MDN1: variants seen among roughly 807,000 people sequenced by gnomAD.
MDN1 encodes midasin AAA ATPase 1.
In MDN1, 266 loss-of-function variants were observed where a neutral mutation model predicts 669.2. The ratio of observed to expected loss-of-function variants is 0.40; its 90% CI spans 0.36 to 0.44. The LOEUF (loss-of-function observed/expected upper bound fraction) is 0.44. MDN1 is among the 20% of genes least tolerant of loss of function. MDN1 has a pLI of 1.00. For missense variants in MDN1, 5,940 were observed against 6,754.0 expected (o/e 0.88, Z 4.22); for synonymous variants, 2,385 against 2,457.1 (o/e 0.97, Z 0.87).
chr6:89,796,344 A>AC (rs1437720100), intron 2 of MDN1, among the ~76,000 whole-genome samples: 14 of 132,416 alleles, frequency 1.1e-4, no homozygotes, highest in African/African-American at 3.7e-4. Context: ...AAAAAAAAAA[A>AC]AAAAAACAAA....
intron 26 of MDN1, 130 bp from the exon 27 acceptor site, chr6:89,747,600 T>C (rs1816703367): frequency 8.6e-7 from 1 of 1,156,598 alleles, no homozygotes; most frequent in South Asian, 1.6e-5. Flanking sequence ...CTGAATAAGA[T>C]TAATTTTTTG....
intron 59 of MDN1, among the ~76,000 whole-genome samples, chr6:89,697,126 AG>A: frequency 6.6e-6 from 1 of 152,344 alleles, no homozygotes; most frequent in Middle Eastern, 3.4e-3. Context: ...ATAGTGCAAA[AG>A]AATGGAATAG....
chr6:89,683,943 G>A (rs1406786798), intron 71 of MDN1, 39 bp from the exon 72 acceptor site: 16 of 1,440,754 alleles, frequency 1.1e-5, no homozygotes, highest in Admixed American at 1.7e-5. Context: ...GCTTTATAAA[G>A]CTAGTGTCAT....
chr6:89,736,635 A>C (rs1239139287), intron 33 of MDN1, among the ~76,000 whole-genome samples: 1 of 151,960 alleles, frequency 6.6e-6, no homozygotes, highest in South Asian at 2.1e-4. Context: ...TCAAAAAAAA[A>C]ACACAAAAAT....
rs1212937585 is a variant in MDN1, at chr6:89,683,143, C to T, written c.12091G>A (p.Ala4031Thr). Reference protein sequence around the residue: ...ALRETLLAQPAAGQATIPEWC... With the variant: ...ALRETLLAQPTAGQATIPEWC... Reference sequence around the variant, plus strand: ...CCACAACCAAGTACCTGCCCAGCTGCTGGTTGGGCTAACAGGGTCTCCCTC... The same window carrying T: ...CCACAACCAAGTACCTGCCCAGCTGTTGGTTGGGCTAACAGGGTCTCCCTC... The change falls in exon 73 of 102, where the codon GCA becomes ACA. Residue 4031 changes from alanine to threonine, a missense_variant. Physicochemically the swap from Ala to Thr is moderately conservative, Grantham distance 58 (BLOSUM62 0). This residue lies in a region of MDN1 where 2,280 missense variants were observed against 2,576.3 expected (regional missense o/e 0.88). Coordinates refer to ENST00000369393, the MANE Select transcript of MDN1 (RefSeq NM_014611.3). The T allele has an allele frequency of 6.2e-7, 1 of 1,614,110 alleles. No homozygotes were observed. The highest frequency in any genetic ancestry group is 1.7e-5 in the Admixed American group (1 of 60,022).
Position 89,695,974 on chromosome 6 carries a change from G to A in MDN1, c.9402C>T (p.Leu3134=). The stretch of plus-strand genomic sequence containing the variant: ...GGTGCCGGAACAGCACCTGCCCCTG[G>A]AGTTGGGAATCCGTGCGTCTGTGGG... The part of the protein sequence containing the change: ...VAEFRRTDSQ[L]QGQVLFRHLA... Residue 3134 remains leucine, a synonymous_variant, in exon 61 of 102, where the codon CTC becomes CTT. Transcript: ENST00000369393. The surrounding 1 kb of genome is among the most constrained non-coding windows in gnomAD (Gnocchi z 4.1). 6.2e-7 allele frequency: 1 copy of A among 1,608,448 alleles called. No homozygotes were observed. The highest frequency in any genetic ancestry group is 8.5e-7 in the Non-Finnish European group (1 of 1,177,024).
At chr6:89,678,430 G>C (rs1438942924) in intron 75 of MDN1, among the ~76,000 whole-genome samples, 169 bp downstream of exon 75, 1 of 152,208 alleles carries the variant, frequency 6.6e-6, no homozygotes, top group South Asian at 2.1e-4. Flanking sequence ...GCTGGTCATA[G>C]GATTTTCCTG....
chr6:89,789,916 A>C lies in MDN1; in HGVS notation c.1099-5T>G, dbSNP rs1819162009. Reference sequence around the variant, plus strand: ...GCGATACATCCCCAAAAGCATCTGCAGAAAGAAGATAAAGTAATTACTGAA... The same window carrying C: ...GCGATACATCCCCAAAAGCATCTGCCGAAAGAAGATAAAGTAATTACTGAA... On this transcript the variant is annotated splice_polypyrimidine_tract_variant and splice_region_variant and intron_variant, in intron 6 of 101. Transcript: ENST00000369393. The C allele has an allele frequency of 1.2e-6, 2 of 1,607,480 alleles. No homozygotes were observed. The highest frequency in any genetic ancestry group is 1.7e-6 in the Non-Finnish European group (2 of 1,177,952).
At chr6:89,763,332 C>CA (rs35383804) in intron 15 of MDN1, among the ~76,000 whole-genome samples, 1,966 of 96,908 alleles carry the variant, frequency 0.02, 30 homozygotes, top group South Asian at 0.11. Context: ...GTAGGGCACG[C>CA]AAAAAAAAAA....
intron 24 of MDN1, 89 bp from the exon 25 acceptor site, chr6:89,749,840 T>C: frequency 9.5e-7 from 1 of 1,052,430 alleles, no homozygotes; most frequent in East Asian, 2.5e-5. Context: ...TCCTAGGTTA[T>C]CATCAAATTT....
intron 35 of MDN1, 101 bp from the exon 36 acceptor site, chr6:89,729,240 T>C: frequency 1.2e-6 from 1 of 848,200 alleles, no homozygotes. Flanking sequence ...GGGTTATCAG[T>C]TAGTGAAATA....
intron 84 of MDN1, 149 bp from the exon 85 acceptor site, chr6:89,664,777 G>A: frequency 1.6e-6 from 1 of 611,260 alleles, no homozygotes; most frequent in East Asian, 3.0e-5. Context: ...CATGGAATTT[G>A]TAAAATTTCT....
At chr6:89,708,836 C>A (rs533950844) in intron 50 of MDN1, among the ~76,000 whole-genome samples, 2 of 151,994 alleles carry the variant, frequency 1.3e-5, no homozygotes, top group Non-Finnish European at 2.9e-5. Context: ...TTACCAAATG[C>A]AAAGTATCTG....
intron 1 of MDN1, among the ~76,000 whole-genome samples, chr6:89,817,520 T>C (rs1487358860): frequency 6.6e-6 from 1 of 152,152 alleles, no homozygotes; most frequent in East Asian, 1.9e-4. Context: ...CAGAAAAGTC[T>C]TCCTGGGGAA....
chr6:89,731,793 G>C (rs1815612530), intron 34 of MDN1, among the ~76,000 whole-genome samples: 1 of 95,958 alleles, frequency 1.0e-5, no homozygotes, highest in African/African-American at 4.3e-5. Flanking sequence ...TTAATTCATA[G>C]TACCGCCCCC....
In MDN1 at chr6:89,819,547, C is replaced by G; in HGVS notation, c.61G>C (p.Glu21Gln). The change falls in exon 1 of 102, where the codon GAG (glutamate) becomes CAG (glutamine). Residue 21 changes from glutamate (E) to glutamine (Q), a missense_variant. Transcript: ENST00000369393. ...CTGCCCAACTCACTGCGGCTCTTCT[C>G]GTTCTTGGCTGCGATTAACCGCAGC... Reference protein sequence around the residue: ...APLRLIAAKNEKSRSELGRFL... With the variant: ...APLRLIAAKNQKSRSELGRFL... 6.2e-7 allele frequency: 1 copy of G among 1,605,202 alleles called. No individual in the cohort carries two copies. Among genetic ancestry groups the G allele is most frequent in the Non-Finnish European group, 8.5e-7 (1 of 1,179,976 alleles).
At chr6:89,644,333 T>A in intron 101 of MDN1, 140 bp from the exon 102 acceptor site, 2 of 647,412 alleles carry the variant, frequency 3.1e-6, no homozygotes, top group Non-Finnish European at 2.5e-6. Context: ...TATTACTAAG[T>A]AAAAGAGAAT....
Position 89,675,595 on chromosome 6 carries a change from A to C in MDN1, c.12646-16T>G. ...TGCCCATTTCCTGGCAGAAGAAGGA[A>C]AAACATGCTGAAGGGGCTGCTGACA... On this transcript the variant is annotated splice_polypyrimidine_tract_variant and intron_variant, in intron 77 of 101. Transcript: ENST00000369393. 1 of 1,607,970 alleles carries C rather than the reference A, an allele frequency of 6.2e-7. No homozygotes were observed. The highest frequency in any genetic ancestry group is 8.5e-7 in the Non-Finnish European group (1 of 1,174,990).
Position 89,708,045 on chromosome 6 carries a change from T to C in MDN1, c.7898+451A>G, listed in dbSNP as rs569809510. 1.4e-4 allele frequency among the ~76,000 whole-genome samples: 21 copies of C among 152,272 alleles called. 1 individual carries two copies. In the South Asian group the frequency reaches 3.7e-3, roughly 27 times the overall value. Reference sequence around the variant, plus strand: ...GGCTGGGCACAGTGGCTCACACCTATAACCCCGGCACTTTGGGAGAATGAG... The same window carrying C: ...GGCTGGGCACAGTGGCTCACACCTACAACCCCGGCACTTTGGGAGAATGAG... On this transcript the variant is annotated intron_variant, in intron 51 of 101. Transcript: ENST00000369393.
Sources: allele counts gnomAD v4.1 joint callset (sites outside exome capture counted in the v4.1 genomes callset), GRCh38; gene constraint gnomAD v4.1.1; regional missense constraint gnomAD v4.1.1; non-coding constraint Gnocchi (gnomAD v3.1); transcripts MANE v1.5; gene names NCBI Gene and HGNC (gene_info 2026-07-23, HGNC 2026-07-21).